PTPRD: variants seen among roughly 807,000 people sequenced by gnomAD.
The protein encoded by PTPRD is receptor-type tyrosine-protein phosphatase delta.
A neutral mutation model predicts 214.5 loss-of-function variants in PTPRD; 34 were observed. That is an observed-to-expected ratio of 0.16 (90% CI 0.12 to 0.21). The LOEUF (loss-of-function observed/expected upper bound fraction) is 0.21, where lower values mean the gene tolerates loss of function less well. Among genes scored for constraint, PTPRD ranks in the 10% least tolerant of loss-of-function variants. The probability of loss-of-function intolerance (pLI) is 1.00; values close to 1 mark genes in which losing one functional copy is unlikely to be tolerated. For synonymous variants in PTPRD, 1,128 were observed against 845.7 expected, an observed-to-expected ratio of 1.33 and a Z score of -5.79; for missense variants, 2,545 against 2,398.7, an observed-to-expected ratio of 1.06 and a Z score of -1.27.
chr9:10,303,729 T>C (rs2095950124), intron 3 of PTPRD, among the ~76,000 whole-genome samples: 1 of 152,106 alleles, frequency 6.6e-6, no homozygotes, highest in African/African-American at 2.4e-5. Context: ...GTCCAATCTC[T>C]GAATAGACCA....
intron 12 of PTPRD, among the ~76,000 whole-genome samples, chr9:8,670,643 T>C (rs1596510170): frequency 1.3e-5 from 2 of 152,184 alleles, no homozygotes; most frequent in South Asian, 4.1e-4. Context: ...AATTTGTTTT[T>C]TAAAAATCTA....
intron 7 of PTPRD, among the ~76,000 whole-genome samples, chr9:9,717,627 G>T (rs939895880): frequency 1.3e-5 from 2 of 152,134 alleles, no homozygotes; most frequent in Admixed American, 1.3e-4. Context: ...GATGTCTTAT[G>T]ATTTCAGGGG....
At chr9:8,481,406 T>G (rs1234870695) in intron 30 of PTPRD, among the ~76,000 whole-genome samples, 2 of 152,196 alleles carry the variant, frequency 1.3e-5, no homozygotes, top group African/African-American at 4.8e-5. Flanking sequence ...GTATCAGGTC[T>G]GAATTTATTA....
chr9:10,006,025 C>T, intron 4 of PTPRD, among the ~76,000 whole-genome samples: 1 of 151,906 alleles, frequency 6.6e-6, no homozygotes, highest in Non-Finnish European at 1.5e-5. Flanking sequence ...AACATATACA[C>T]ATATGTACAT....
intron 36 of PTPRD, among the ~76,000 whole-genome samples, chr9:8,390,485 C>T (rs2089098145): frequency 6.6e-6 from 1 of 152,160 alleles, no homozygotes; most frequent in Non-Finnish European, 1.5e-5. Context: ...GACATCAGAA[C>T]TCCCTTGACA....
At chr9:10,176,176 T>G (rs1319920163) in intron 3 of PTPRD, among the ~76,000 whole-genome samples, 1 of 152,020 alleles carries the variant, frequency 6.6e-6, no homozygotes, top group Non-Finnish European at 1.5e-5. Context: ...TGTATTAACC[T>G]TTTAATATTA....
At chr9:9,277,105 C>G (rs756396355) in intron 9 of PTPRD, among the ~76,000 whole-genome samples, 1 of 151,386 alleles carries the variant, frequency 6.6e-6, no homozygotes, top group Non-Finnish European at 1.5e-5. Flanking sequence ...ATTTTTATCT[C>G]CTCTCCTAAA....
rs188663518 is a variant in PTPRD at position 8,694,694 on chromosome 9, A to T, written c.64+39086T>A. Among the ~76,000 whole-genome samples, 93 of 152,338 alleles carry T rather than the reference A, an allele frequency of 6.1e-4. 1 individual carries two copies. The highest frequency in any genetic ancestry group is 2.2e-3 in the African/African-American group (90 of 41,588). On this transcript the variant is annotated intron_variant, in intron 12 of 45. Coordinates refer to ENST00000381196, the MANE Select transcript of PTPRD (RefSeq NM_002839.4). ...AAATGAAGCAAAATTCACAAATTCA[A>T]TTCATAATTTCTTTTTAAGCTGCAT... is the stretch of plus-strand genomic sequence containing the variant.
chr9:9,935,493 A>G (rs1378979970), intron 5 of PTPRD, among the ~76,000 whole-genome samples: 2 of 151,932 alleles, frequency 1.3e-5, no homozygotes, highest in African/African-American at 2.4e-5. Context: ...CAAAGAGAAT[A>G]AAATACCTAG....
intron 11 of PTPRD, among the ~76,000 whole-genome samples, chr9:8,879,564 G>C (rs527418629): frequency 2.0e-5 from 3 of 152,210 alleles, no homozygotes; most frequent in Admixed American, 6.5e-5. Flanking sequence ...TTTAGTATTG[G>C]AGGTCCCTTT....
chr9:9,716,509 G>A (rs1158115064), intron 7 of PTPRD, among the ~76,000 whole-genome samples: 1 of 151,964 alleles, frequency 6.6e-6, no homozygotes, highest in Non-Finnish European at 1.5e-5. Context: ...ATCCTCTCCA[G>A]CACCTGTTGT....
intron 10 of PTPRD, among the ~76,000 whole-genome samples, chr9:9,174,996 C>T (rs549731904): frequency 5.9e-4 from 90 of 152,012 alleles, no homozygotes; most frequent in Non-Finnish European, 8.5e-4. Flanking sequence ...AAAAGAGTAC[C>T]CAGAAAACTG....
intron 3 of PTPRD, among the ~76,000 whole-genome samples, chr9:10,208,487 C>G (rs2099497349): frequency 6.6e-6 from 1 of 152,336 alleles, no homozygotes; most frequent in African/African-American, 2.4e-5. Flanking sequence ...GCACTCCAGC[C>G]TGGGCGACAG....
rs56257525 is a variant in PTPRD at position 10,047,312 on chromosome 9, C to CTGTGTG, written c.-544-13528_-544-13523dup. Among the ~76,000 whole-genome samples the CTGTGTG allele has an allele frequency of 8.6e-3, 1,200 of 138,740 alleles. 8 individuals are homozygous for CTGTGTG. The highest frequency in any genetic ancestry group is 0.024 in the African/African-American group (882 of 36,914). The allele number at this position is 138,740 out of a possible 152,430, so 91.0% of individuals were successfully genotyped here. ...GTAAAATGAAGATAAAATCAACTAA[C>CTGTGTG]TGTGTGTGTGTGTGTGTGTGTGTGT... On this transcript the variant is annotated intron_variant, in intron 3 of 45. Transcript: ENST00000381196.
intron 9 of PTPRD, among the ~76,000 whole-genome samples, chr9:9,268,367 G>A (rs186300208): frequency 6.0e-5 from 9 of 150,602 alleles, no homozygotes; most frequent in South Asian, 2.1e-4. Context: ...TGGAAAAAAC[G>A]CAAGTATATA....
intron 2 of PTPRD, among the ~76,000 whole-genome samples, chr9:10,470,958 AT>A (rs1170540381): frequency 2.6e-5 from 4 of 152,218 alleles, no homozygotes; most frequent in Non-Finnish European, 4.4e-5. Flanking sequence ...AAGATGGAAT[AT>A]TATGCAGCCA....
At chr9:8,744,328 C>T (rs2092522961) in intron 11 of PTPRD, among the ~76,000 whole-genome samples, 1 of 150,710 alleles carries the variant, frequency 6.6e-6, no homozygotes, top group Non-Finnish European at 1.5e-5. Flanking sequence ...AAGTCATTAT[C>T]CGAAAAGATA....
At chr9:8,576,957 TTGTC>T (rs2092462285) in intron 14 of PTPRD, among the ~76,000 whole-genome samples, 1 of 152,196 alleles carries the variant, frequency 6.6e-6, no homozygotes, top group Non-Finnish European at 1.5e-5. Flanking sequence ...TTATCACCTG[TTGTC>T]TATTTTAACT....
intron 8 of PTPRD, among the ~76,000 whole-genome samples, chr9:9,450,606 T>A (rs2091873235): frequency 6.6e-6 from 1 of 151,946 alleles, no homozygotes; most frequent in Admixed American, 6.6e-5. Flanking sequence ...ATGAATATTC[T>A]GATTCAGTAA....
Sources: allele counts gnomAD v4.1 joint callset (sites outside exome capture counted in the v4.1 genomes callset), GRCh38; gene constraint gnomAD v4.1.1; transcripts MANE v1.5; gene names NCBI Gene and HGNC (gene_info 2026-07-23, HGNC 2026-07-21).